Variants in VEGFD observed in about 807,000 individuals in gnomAD.
VEGFD encodes c-fos induced growth factor (vascular endothelial growth factor D).
In VEGFD, 26 loss-of-function variants were observed where a neutral mutation model predicts 28.0. That is an observed-to-expected ratio of 0.93 (90% CI 0.68 to 1.29). The LOEUF is 1.29. Among genes scored for constraint, VEGFD ranks in the 50% most tolerant of loss-of-function variants. The pLI, the probability that VEGFD is intolerant of heterozygous loss-of-function variation, is 0.00. For synonymous variants in VEGFD, 93 were observed against 95.5 expected (o/e 0.97, Z 0.15); for missense variants, 294 against 273.4 (o/e 1.08, Z -0.53).
At chrX:15,358,275 A>G in intron 2 of VEGFD, 82 bp from the exon 3 acceptor site, 1 of 836,730 alleles carries the variant, frequency 1.2e-6, no homozygotes, top group Non-Finnish European at 1.7e-6. Context: ...TATGCTGAAC[A>G]CAGTCATTTT....
Position 15,373,229 on chromosome X carries a change from G to A in VEGFD, c.91-9910C>T, listed in dbSNP as rs190443917. On this transcript the variant is annotated intron_variant, in intron 1 of 6. Transcript: ENST00000297904. ...GGCTTTGGTTTGGGAGTACCTAGCC[G>A]GTTCCAATGCTGGTTTTGAGCTGTA... Among the ~76,000 whole-genome samples, 21 of 112,025 alleles carry A rather than the reference G, an allele frequency of 1.9e-4. 1 individual carries two copies. Among genetic ancestry groups the A allele is most frequent in the African/African-American group, 4.2e-4 (13 of 30,887 alleles).
At chrX:15,381,538 AAAAAC>A (rs201062697) in intron 1 of VEGFD, among the ~76,000 whole-genome samples, 17,064 of 109,442 alleles carry the variant, frequency 0.16, 1,244 homozygotes, top group East Asian at 0.39. Context: ...GTAAAAAAAA[AAAAAC>A]AAAAAATTCA....
chrX:15,363,518 G>T (rs1318988022), intron 1 of VEGFD, among the ~76,000 whole-genome samples, 199 bp from the exon 2 acceptor site: 1 of 111,871 alleles, frequency 8.9e-6, no homozygotes, highest in East Asian at 2.8e-4. Context: ...TGAATCAGAG[G>T]ATTTACTTAT....
Position 15,363,400 on chromosome X carries a change from A to T in VEGFD, c.91-81T>A, listed in dbSNP as rs1446224561. 7 of 792,458 alleles carry T rather than the reference A, an allele frequency of 8.8e-6. No homozygotes were observed. In the East Asian group the frequency reaches 2.4e-4, roughly 27 times the overall value. The allele number at this position is 792,458 out of a possible 1,213,427, so 65.3% of individuals were successfully genotyped here. On this transcript the variant is annotated intron_variant, in intron 1 of 6. Transcript: ENST00000297904. Reference sequence around the variant, plus strand: ...ATAATAATCTTCATTTCTGACACTTAGAAGTGTAAATACATCTGTAATTAG... The same window carrying T: ...ATAATAATCTTCATTTCTGACACTTTGAAGTGTAAATACATCTGTAATTAG...
intron 1 of VEGFD, among the ~76,000 whole-genome samples, chrX:15,375,989 G>C (rs1369672016): frequency 1.8e-5 from 2 of 111,514 alleles, no homozygotes; most frequent in Middle Eastern, 4.6e-3. Flanking sequence ...GGATGGGCTT[G>C]AATGGCAAGA....
intron 1 of VEGFD, among the ~76,000 whole-genome samples, chrX:15,383,342 A>G (rs995188144): frequency 1.8e-5 from 2 of 112,285 alleles, no homozygotes; most frequent in Admixed American, 1.9e-4. Flanking sequence ...AAGAAGCGAA[A>G]AAACCAAACA....
rs1569184148 is a variant in VEGFD, at chrX:15,355,136, A to G, written c.641+14T>C. 4 of 1,153,766 alleles carry G rather than the reference A, an allele frequency of 3.5e-6. No individual in the cohort carries two copies. Among genetic ancestry groups the G allele is most frequent in the Non-Finnish European group, 4.6e-6 (4 of 873,713 alleles). ...AGCATAATCCAGTATAAAAAAAAAA[A>G]CAAAAGTGCTTACCGATCTTCTTCA... On this transcript the variant is annotated intron_variant, in intron 4 of 6. Coordinates refer to ENST00000297904, the MANE Select transcript of VEGFD (RefSeq NM_004469.5).
chrX:15,362,010 A>G (rs902076417), intron 2 of VEGFD, among the ~76,000 whole-genome samples: 19 of 111,091 alleles, frequency 1.7e-4, no homozygotes, highest in African/African-American at 5.9e-4. Flanking sequence ...TTGGGATTAC[A>G]GGCATGCACC....
intron 4 of VEGFD, among the ~76,000 whole-genome samples, chrX:15,353,914 T>A (rs2147737683): frequency 9.0e-6 from 1 of 111,571 alleles, no homozygotes; most frequent in African/African-American, 3.3e-5. Flanking sequence ...AAATTATAGC[T>A]GTCAACAGTT....
At chrX:15,362,370 A>ATT (rs1923035097) in intron 2 of VEGFD, among the ~76,000 whole-genome samples, 1 of 110,283 alleles carries the variant, frequency 9.1e-6, no homozygotes, top group East Asian at 2.8e-4. Context: ...AAATCACACA[A>ATT]CTTTGCAGAA....
intron 1 of VEGFD, 100 bp downstream of exon 1, chrX:15,383,757 C>T (rs1300963880): frequency 4.9e-6 from 3 of 608,806 alleles, no homozygotes; most frequent in Admixed American, 2.4e-5. Context: ...TAGGATGGTT[C>T]TGCATTTTTA....
At chrX:15,349,648 G>A (rs1922640088) in intron 5 of VEGFD, among the ~76,000 whole-genome samples, 1 of 111,957 alleles carries the variant, frequency 8.9e-6, no homozygotes, top group Non-Finnish European at 1.9e-5. Context: ...TTGTGTGTGT[G>A]TGTGTTTGTG....
intron 1 of VEGFD, among the ~76,000 whole-genome samples, chrX:15,380,167 T>G (rs1300651825): frequency 3.5e-5 from 4 of 112,683 alleles, no homozygotes; most frequent in Non-Finnish European, 7.5e-5. Context: ...GACAAAAGCT[T>G]GCTGGGCCAT....
intron 1 of VEGFD, among the ~76,000 whole-genome samples, chrX:15,371,653 G>T (rs773369858): frequency 8.9e-6 from 1 of 111,989 alleles, no homozygotes; most frequent in Non-Finnish European, 1.9e-5. Flanking sequence ...AAAGTTAGGA[G>T]AACTGACTAG....
chrX:15,380,729 G>C (rs1179975427), intron 1 of VEGFD, among the ~76,000 whole-genome samples: 1 of 112,706 alleles, frequency 8.9e-6, no homozygotes, highest in Non-Finnish European at 1.9e-5. Flanking sequence ...AATAGTGCTG[G>C]CCAGAAGGCC....
At chrX:15,363,350 CAA>C (rs761035765) in intron 1 of VEGFD, 31 bp from the exon 2 acceptor site, 9 of 1,113,965 alleles carry the variant, frequency 8.1e-6, no homozygotes, top group Non-Finnish European at 1.1e-5. Flanking sequence ...AGTTTAAAAA[CAA>C]GTTACTAAAT....
intron 2 of VEGFD, among the ~76,000 whole-genome samples, chrX:15,362,739 T>A (rs1923047431): frequency 9.0e-6 from 1 of 111,563 alleles, no homozygotes; most frequent in South Asian, 3.8e-4. Context: ...TTTGTCTATG[T>A]ATGTATGGCA....
chrX:15,350,966 A>G (rs1243153980), intron 5 of VEGFD, among the ~76,000 whole-genome samples: 1 of 94,049 alleles, frequency 1.1e-5, no homozygotes, highest in Non-Finnish European at 2.0e-5. Context: ...GGTTCAAGAG[A>G]TTCTCATGCC....
In VEGFD at chrX:15,363,103, A is replaced by T; in HGVS notation, c.301+6T>A. 1 of 1,206,173 alleles carries T rather than the reference A, an allele frequency of 8.3e-7. No individual in the cohort carries two copies. Among genetic ancestry groups the T allele is most frequent in the Non-Finnish European group, 1.1e-6 (1 of 890,642 alleles). On this transcript the variant is annotated splice_donor_region_variant and intron_variant, in intron 2 of 6. Coordinates refer to ENST00000297904, the MANE Select transcript of VEGFD (RefSeq NM_004469.5). ...AAAGAATTTGTCTCCACATCCACAC[A>T]CCTACCTTTTAGTGTTTCAATGTCA...
Sources: allele counts gnomAD v4.1 joint callset (sites outside exome capture counted in the v4.1 genomes callset), GRCh38; gene constraint gnomAD v4.1.1; transcripts MANE v1.5; gene names NCBI Gene and HGNC (gene_info 2026-07-23, HGNC 2026-07-21).